UBTD2: variants seen among roughly 807,000 people sequenced by gnomAD.
The protein encoded by UBTD2 is ubiquitin domain-containing protein 2.
UBTD2 carries 9 observed loss-of-function variants against 19.8 expected under a neutral mutation model. That is an observed-to-expected ratio of 0.46 (90% confidence interval 0.27 to 0.79). UBTD2 has a LOEUF of 0.79. UBTD2 is among the 30% of genes least tolerant of loss of function. The pLI is 0.14. For missense variants in UBTD2, 250 were observed against 300.4 expected (o/e 0.83, Z 1.24); for synonymous variants, 98 against 103.9 (o/e 0.94, Z 0.35).
At chr5:172,242,965 T>G (rs1772161029) in intron 1 of UBTD2, among the ~76,000 whole-genome samples, 1 of 152,148 alleles carries the variant, frequency 6.6e-6, no homozygotes, top group South Asian at 2.1e-4. Flanking sequence ...TCACTATGTA[T>G]GCTCCGAAAT....
intron 1 of UBTD2, among the ~76,000 whole-genome samples, chr5:172,267,039 TAA>T (rs34544452): frequency 0.088 from 10,459 of 119,264 alleles, 422 homozygotes; most frequent in Admixed American, 0.13. Flanking sequence ...AGCCTCTCTT[TAA>T]AAAAAAAAAA....
At chr5:172,254,013 T>C (rs1480208195) in intron 1 of UBTD2, among the ~76,000 whole-genome samples, 1 of 152,176 alleles carries the variant, frequency 6.6e-6, no homozygotes, top group African/African-American at 2.4e-5. Flanking sequence ...TTGGATAATA[T>C]AAGTTCAGAG....
At chr5:172,237,870 T>C (rs1772043479) in intron 1 of UBTD2, among the ~76,000 whole-genome samples, 1 of 152,238 alleles carries the variant, frequency 6.6e-6, no homozygotes, top group Admixed American at 6.5e-5. Context: ...TTAAGTCCTT[T>C]GGCAAAAATA....
intron 2 of UBTD2, among the ~76,000 whole-genome samples, chr5:172,216,222 T>A (rs986367416): frequency 1.5e-4 from 22 of 150,326 alleles, no homozygotes; most frequent in African/African-American, 4.7e-4. Flanking sequence ...AAAAACCCCA[T>A]GAAATCTAAA....
chr5:172,274,360 T>C (rs973160223), intron 1 of UBTD2, among the ~76,000 whole-genome samples: 1 of 151,860 alleles, frequency 6.6e-6, no homozygotes, highest in Non-Finnish European at 1.5e-5. Flanking sequence ...AGGATGGTCT[T>C]GATCTCCTGA....
intron 1 of UBTD2, among the ~76,000 whole-genome samples, chr5:172,267,180 A>G (rs1389339272): frequency 6.6e-6 from 1 of 152,100 alleles, no homozygotes; most frequent in Non-Finnish European, 1.5e-5. Flanking sequence ...TGTAAAACCT[A>G]TTTTTGCTAT....
chr5:172,261,214 A>G (rs976593288), intron 1 of UBTD2, among the ~76,000 whole-genome samples: 1 of 152,166 alleles, frequency 6.6e-6, no homozygotes, highest in African/African-American at 2.4e-5. Flanking sequence ...CCAAATGACC[A>G]CATGCTGATA....
At chr5:172,237,741 G>T (rs1274288070) in intron 1 of UBTD2, among the ~76,000 whole-genome samples, 2 of 152,100 alleles carry the variant, frequency 1.3e-5, no homozygotes, top group Non-Finnish European at 2.9e-5. Context: ...TTTGTTAAGA[G>T]GACTTAAGTT....
At chr5:172,222,807 T>G (rs892308125) in intron 2 of UBTD2, among the ~76,000 whole-genome samples, 3 of 152,224 alleles carry the variant, frequency 2.0e-5, no homozygotes, top group East Asian at 3.8e-4. Context: ...TGAAATCTGA[T>G]AGTAAGATTC....
chr5:172,210,388 G>A lies in UBTD2; in HGVS notation c.*1442C>T, dbSNP rs1465138907. The A allele has an allele frequency of 6.6e-6, 1 of 152,166 alleles. No homozygotes were observed. The highest frequency in any genetic ancestry group is 2.4e-5 in the African/African-American group (1 of 41,434). 9.4% of individuals were successfully genotyped at this position (152,166 alleles called of 1,614,324 possible). A position where few individuals can be genotyped will look rare whatever the true frequency, so the allele number is the denominator to read the frequency against. On this transcript the variant is annotated 3_prime_UTR_variant, in exon 3 of 3. Coordinates refer to ENST00000393792, the MANE Select transcript of UBTD2 (RefSeq NM_152277.3). ...TGAGAACAGCGTTAAGTGCCTTCTT[G>A]TCTGTACTTTTCCATCTCATGGATT...
chr5:172,225,965 T>C (rs1461612825), intron 2 of UBTD2, among the ~76,000 whole-genome samples: 1 of 127,068 alleles, frequency 7.9e-6, no homozygotes, highest in African/African-American at 3.1e-5. Flanking sequence ...TGAGATGGAA[T>C]CTTGCTCTGT....
At chr5:172,212,370 C>A (rs1317402408) in intron 2 of UBTD2, 143 bp from the exon 3 acceptor site, 13 of 881,188 alleles carry the variant, frequency 1.5e-5, no homozygotes, top group South Asian at 2.2e-5. Context: ...CAATGATTAT[C>A]AAATCCCATG....
At chr5:172,264,561 T>TG (rs1479695521) in intron 1 of UBTD2, among the ~76,000 whole-genome samples, 3 of 107,994 alleles carry the variant, frequency 2.8e-5, no homozygotes, top group East Asian at 6.0e-4. Flanking sequence ...ATTAAAAAAT[T>TG]AAAAAAAAAA....
At chr5:172,264,576 AC>A (rs1224001854) in intron 1 of UBTD2, among the ~76,000 whole-genome samples, 7 of 148,128 alleles carry the variant, frequency 4.7e-5, no homozygotes, top group Admixed American at 3.4e-4. Flanking sequence ...AAAAAAAAAA[AC>A]AAAACAACCC....
At chr5:172,213,370 A>G (rs954027618) in intron 2 of UBTD2, among the ~76,000 whole-genome samples, 2 of 152,214 alleles carry the variant, frequency 1.3e-5, no homozygotes, top group Non-Finnish European at 2.9e-5. Context: ...TGACAGCCTT[A>G]GCAGCTGCCA....
At chr5:172,276,056 A>G (rs1755598275) in intron 1 of UBTD2, among the ~76,000 whole-genome samples, 1 of 152,232 alleles carries the variant, frequency 6.6e-6, no homozygotes. Context: ...TACATAGGAA[A>G]TCACTTGAGA....
chr5:172,260,663 T>C (rs534854042), intron 1 of UBTD2, among the ~76,000 whole-genome samples: 39 of 152,322 alleles, frequency 2.6e-4, no homozygotes, highest in African/African-American at 8.9e-4. Flanking sequence ...TTTCATTCAA[T>C]AACAGATAAG....
At chr5:172,214,377 C>T (rs1771504236) in intron 2 of UBTD2, among the ~76,000 whole-genome samples, 1 of 152,192 alleles carries the variant, frequency 6.6e-6, no homozygotes, top group South Asian at 2.1e-4. Flanking sequence ...GGGGTGATAG[C>T]TTAGTTGGAA....
rs1386268193 is a variant in UBTD2 at position 172,210,189 on chromosome 5, T to C, written c.*1641A>G. On this transcript the variant is annotated 3_prime_UTR_variant, in exon 3 of 3. Coordinates refer to ENST00000393792, the MANE Select transcript of UBTD2 (RefSeq NM_152277.3). The stretch of plus-strand genomic sequence containing the variant: ...AAATGATTGCATAAAAATAAGGAAG[T>C]AGTTAAAGCTCTCAGAAACATGATG... 6.6e-6 allele frequency: 1 copy of C among 152,190 alleles called. No individual in the cohort carries two copies. Among genetic ancestry groups the C allele is most frequent in the African/African-American group, 2.4e-5 (1 of 41,440 alleles). The allele number at this position is 152,190 out of a possible 1,614,324, so 9.4% of individuals were successfully genotyped here.
Sources: allele counts gnomAD v4.1 joint callset (sites outside exome capture counted in the v4.1 genomes callset), GRCh38; gene constraint gnomAD v4.1.1; transcripts MANE v1.5; gene names NCBI Gene and HGNC (gene_info 2026-07-23, HGNC 2026-07-21).